Variants in STPG2 observed in about 807,000 individuals in gnomAD.
The protein encoded by STPG2 is sperm tail PG-rich repeat containing 2.
STPG2 carries 56 observed loss-of-function variants against 54.2 expected under a neutral mutation model. The observed-to-expected ratio is 1.03, with a 90% CI of 0.83 to 1.29. STPG2 has a LOEUF of 1.29. STPG2 is among the 50% of genes most tolerant of loss of function. The pLI, the probability that STPG2 is intolerant of heterozygous loss-of-function variation, is 0.00. For missense variants in STPG2, 596 were observed against 544.9 expected (o/e 1.09, Z -0.93); for synonymous variants, 200 against 181.8 (o/e 1.10, Z -0.81).
chr4:97,541,574 C>G (rs1292720159), intron 4 of STPG2, among the ~76,000 whole-genome samples: 3 of 152,118 alleles, frequency 2.0e-5, no homozygotes, highest in Non-Finnish European at 4.4e-5. Context: ...CAATGCCATC[C>G]TCATCAAGCT....
At chr4:97,976,860 C>G (rs1734516174) in intron 6 of STPG2, among the ~76,000 whole-genome samples, 2 of 152,096 alleles carry the variant, frequency 1.3e-5, no homozygotes, top group South Asian at 4.1e-4. Flanking sequence ...GACCATCAGA[C>G]TGACGGTAAG....
At chr4:97,470,959 A>G (rs1247083510) in intron 4 of STPG2, among the ~76,000 whole-genome samples, 1 of 152,168 alleles carries the variant, frequency 6.6e-6, no homozygotes, top group East Asian at 1.9e-4. Context: ...ATCCTGGATC[A>G]TCAAGCCATT....
At chr4:97,914,960 G>C (rs1475286084) in intron 8 of STPG2, among the ~76,000 whole-genome samples, 7 of 152,070 alleles carry the variant, frequency 4.6e-5, no homozygotes, top group African/African-American at 1.2e-4. Context: ...ATGTCCTCAA[G>C]GTTCATCATA....
chr4:97,725,773 T>A (rs1342914735), intron 9 of STPG2, among the ~76,000 whole-genome samples: 1 of 151,804 alleles, frequency 6.6e-6, no homozygotes, highest in Non-Finnish European at 1.5e-5. Context: ...ATTCTTCAAA[T>A]GTAAAAGGAC....
intron 9 of STPG2, among the ~76,000 whole-genome samples, chr4:97,802,455 T>TAC (rs1727429400): frequency 6.6e-6 from 1 of 152,104 alleles, no homozygotes; most frequent in South Asian, 2.1e-4. Flanking sequence ...CAAGTAAATA[T>TAC]ACATATATAT....
At chr4:97,576,521 T>C (rs1275167654) in intron 10 of STPG2, among the ~76,000 whole-genome samples, 1 of 152,102 alleles carries the variant, frequency 6.6e-6, no homozygotes, top group Non-Finnish European at 1.5e-5. Context: ...TTTCAATACA[T>C]GGTGCTAGGA....
intron 8 of STPG2, among the ~76,000 whole-genome samples, chr4:97,850,936 G>C (rs1016675751): frequency 1.3e-5 from 2 of 152,248 alleles, no homozygotes; most frequent in African/African-American, 4.8e-5. Context: ...CATTACAACT[G>C]TAAAAAATTA....
At chr4:97,525,831 GTGA>G (rs1374051019) in intron 4 of STPG2, among the ~76,000 whole-genome samples, 11 of 152,124 alleles carry the variant, frequency 7.2e-5, no homozygotes, top group Middle Eastern at 3.4e-3. Context: ...CTAATGATCA[GTGA>G]TGATGAGCTT....
At chr4:97,862,963 T>G (rs1295883575) in intron 8 of STPG2, among the ~76,000 whole-genome samples, 1 of 152,086 alleles carries the variant, frequency 6.6e-6, no homozygotes, top group African/African-American at 2.4e-5. Context: ...AGAGGGAAAT[T>G]TATAGCACTA....
chr4:98,113,643 T>C (rs1248951472), intron 3 of STPG2, among the ~76,000 whole-genome samples: 1 of 152,006 alleles, frequency 6.6e-6, no homozygotes. Context: ...GACAGTCTTA[T>C]AAAGCACTAT....
chr4:97,716,817 A>ATGG (rs1724305333), intron 9 of STPG2, among the ~76,000 whole-genome samples: 1 of 151,736 alleles, frequency 6.6e-6, no homozygotes, highest in Admixed American at 6.6e-5. Context: ...GCCACGTGCC[A>ATGG]TGGTGGTGCC....
intron 7 of STPG2, among the ~76,000 whole-genome samples, chr4:97,965,738 C>T (rs763032636): frequency 9.9e-5 from 15 of 152,148 alleles, no homozygotes; most frequent in Non-Finnish European, 1.6e-4. Flanking sequence ...CTGGAGTAGA[C>T]CTCCAGCAAA....
At chr4:97,453,670 G>GA (rs1482367433) in intron 4 of STPG2, among the ~76,000 whole-genome samples, 6 of 152,216 alleles carry the variant, frequency 3.9e-5, no homozygotes, top group South Asian at 2.1e-4. Flanking sequence ...TGACTTCCAA[G>GA]AAAAAATATT....
chr4:97,995,932 C>A (rs907223450), intron 5 of STPG2, among the ~76,000 whole-genome samples: 2 of 152,096 alleles, frequency 1.3e-5, no homozygotes, highest in African/African-American at 2.4e-5. Flanking sequence ...TGAAACAAAT[C>A]AGAGATGACA....
At chr4:97,739,876 A>T (rs1390091498) in intron 9 of STPG2, among the ~76,000 whole-genome samples, 4 of 152,142 alleles carry the variant, frequency 2.6e-5, no homozygotes, top group Non-Finnish European at 4.4e-5. Flanking sequence ...TGCCAGCATC[A>T]TCCTGATACC....
chr4:97,957,511 G>T (rs2149245331), intron 7 of STPG2, among the ~76,000 whole-genome samples: 1 of 152,206 alleles, frequency 6.6e-6, no homozygotes, highest in Non-Finnish European at 1.5e-5. Context: ...AAGTAAGTGA[G>T]GAAAACGTTC....
chr4:97,775,166 G>T (rs1198085842), intron 9 of STPG2, among the ~76,000 whole-genome samples: 5 of 152,238 alleles, frequency 3.3e-5, no homozygotes, highest in African/African-American at 1.2e-4. Flanking sequence ...AGAAAGGGTA[G>T]ATTACTGGGA....
At chr4:97,940,145 T>A (rs904101749) in intron 8 of STPG2, among the ~76,000 whole-genome samples, 3 of 141,292 alleles carry the variant, frequency 2.1e-5, no homozygotes, top group Non-Finnish European at 4.9e-5. Context: ...TCTTGGTTTA[T>A]AGGGTTTCAG....
chr4:97,803,885 C>G (rs1727473002), intron 9 of STPG2, among the ~76,000 whole-genome samples: 1 of 152,154 alleles, frequency 6.6e-6, no homozygotes, highest in Non-Finnish European at 1.5e-5. Context: ...ATCAATTCAT[C>G]TCCGATGTCA....
Sources: gnomAD v4.1 joint callset for allele counts (sites outside exome capture counted in the v4.1 genomes callset) on GRCh38, gnomAD v4.1.1 for gene constraint, MANE v1.5 for transcripts, NCBI Gene and HGNC (gene_info 2026-07-23, HGNC 2026-07-21) for gene names.